Variants in TAOK1 observed in about 807,000 individuals in gnomAD.
TAOK1 encodes serine/threonine-protein kinase TAO1.
TAOK1 carries 21 observed loss-of-function variants against 138.3 expected under a neutral mutation model. The observed-to-expected ratio is 0.15, with a 90% CI of 0.11 to 0.22. The LOEUF is 0.22. Among genes scored for constraint, TAOK1 ranks in the 10% least tolerant of loss-of-function variants. The pLI is 1.00. For synonymous variants in TAOK1, 361 were observed against 398.4 expected, an observed-to-expected ratio of 0.91 and a Z score of 1.12; for missense variants, 651 against 1,227.7, an observed-to-expected ratio of 0.53 and a Z score of 7.02.
chr17:29,479,160 A>G (rs529729487), intron 6 of TAOK1, among the ~76,000 whole-genome samples: 1 of 151,846 alleles, frequency 6.6e-6, no homozygotes, highest in Non-Finnish European at 1.5e-5. Context: ...AAAAAAAAAA[A>G]CAGAAGCTGC....
chr17:29,474,918 G>A (rs960830268), intron 3 of TAOK1, among the ~76,000 whole-genome samples: 4 of 151,298 alleles, frequency 2.6e-5, no homozygotes, highest in Admixed American at 2.6e-4. Flanking sequence ...AGATATGCCT[G>A]TATATGAATG....
intron 1 of TAOK1, among the ~76,000 whole-genome samples, chr17:29,413,176 T>C (rs909113765): frequency 6.6e-6 from 1 of 152,152 alleles, no homozygotes; most frequent in African/African-American, 2.4e-5. Flanking sequence ...TTAATTAGGT[T>C]CAATGTGGTC....
chr17:29,398,226 A>C (rs1486401370), intron 1 of TAOK1, among the ~76,000 whole-genome samples: 1 of 150,540 alleles, frequency 6.6e-6, no homozygotes, highest in Non-Finnish European at 1.5e-5. Context: ...TTTTTTTTTG[A>C]GACGGAATTT....
chr17:29,398,854 C>G (rs1273127623), intron 1 of TAOK1, among the ~76,000 whole-genome samples: 4 of 151,890 alleles, frequency 2.6e-5, no homozygotes, highest in Non-Finnish European at 4.4e-5. Flanking sequence ...ATAGTATATA[C>G]TGGGTTGTTT....
rs141482316 is a variant in TAOK1, at chr17:29,530,688, C to G, written c.2361+69C>G. On this transcript the variant is annotated intron_variant, in intron 18 of 19. Transcript: ENST00000261716. ...TTCTTCCACCACCTGAACGAAATCA[C>G]AGCAATTAAAGTACTAGTTGGAAAT... 7.6e-5 allele frequency: 98 copies of G among 1,293,830 alleles called. No homozygotes were observed. The African/African-American group carries it at 1.3e-3, about 17-fold the overall frequency. The allele number at this position is 1,293,830 out of a possible 1,614,324, so 80.1% of individuals were successfully genotyped here.
chr17:29,479,726 TTA>T (rs1369563560), intron 6 of TAOK1, among the ~76,000 whole-genome samples: 1 of 152,132 alleles, frequency 6.6e-6, no homozygotes, highest in South Asian at 2.1e-4. Context: ...TAAGTATATA[TTA>T]TAATGCTAAT....
Position 29,547,939 on chromosome 17 carries a change from G to T in TAOK1, c.*4917G>T, listed in dbSNP as rs1211196021. The T allele has an allele frequency of 6.6e-6, 1 of 152,054 alleles. No individual in the cohort carries two copies. The highest frequency in any genetic ancestry group is 6.6e-5 in the Admixed American group (1 of 15,256). 9.4% of individuals were successfully genotyped at this position (152,054 alleles called of 1,614,324 possible). A position where few individuals can be genotyped will look rare whatever the true frequency, so the allele number is the denominator to read the frequency against. ...CTGTTTTGCTGTGTCTGGTTATGTT[G>T]TCTGCACTTTTATGAAATCACTACA... On this transcript the variant is annotated 3_prime_UTR_variant, in exon 20 of 20. Coordinates refer to ENST00000261716, the MANE Select transcript of TAOK1 (RefSeq NM_020791.4).
intron 8 of TAOK1, among the ~76,000 whole-genome samples, chr17:29,485,351 T>C (rs186936728): frequency 6.6e-6 from 1 of 152,324 alleles, no homozygotes; most frequent in East Asian, 1.9e-4. Flanking sequence ...ATAGTTCTAC[T>C]CTCAGCTGGA....
intron 1 of TAOK1, among the ~76,000 whole-genome samples, chr17:29,413,884 T>C (rs894215693): frequency 7.0e-6 from 1 of 142,322 alleles, no homozygotes. Context: ...CTGGCTTCTT[T>C]TTTTTTTTTT....
intron 18 of TAOK1, among the ~76,000 whole-genome samples, chr17:29,533,212 G>T (rs1197255751): frequency 6.7e-6 from 1 of 148,308 alleles, no homozygotes; most frequent in African/African-American, 2.5e-5. Flanking sequence ...GGGGTGGCGG[G>T]GCAGAGGCGC....
chr17:29,432,801 C>CA (rs2153022778), intron 1 of TAOK1, among the ~76,000 whole-genome samples: 1 of 151,296 alleles, frequency 6.6e-6, no homozygotes, highest in Admixed American at 6.6e-5. Flanking sequence ...TAGAGAGAGA[C>CA]AGAGTTGTGC....
chr17:29,500,831 T>G lies in TAOK1; in HGVS notation c.1204-1758T>G, dbSNP rs1039871985. Among the ~76,000 whole-genome samples the G allele has an allele frequency of 5.3e-5, 8 of 151,988 alleles. No individual in the cohort carries two copies. In the East Asian group the frequency reaches 1.5e-3, roughly 29 times the overall value. On this transcript the variant is annotated intron_variant, in intron 12 of 19. Coordinates refer to ENST00000261716, the MANE Select transcript of TAOK1 (RefSeq NM_020791.4). Reference sequence around the variant, plus strand: ...GTTCCAATACATGCTGCCATATGGTTGAATCTTGAAAACATGTTAAGTGAT... The same window carrying G: ...GTTCCAATACATGCTGCCATATGGTGGAATCTTGAAAACATGTTAAGTGAT...
intron 2 of TAOK1, among the ~76,000 whole-genome samples, chr17:29,456,352 C>T (rs1382903058): frequency 1.3e-5 from 2 of 148,204 alleles, no homozygotes; most frequent in Admixed American, 6.6e-5. Flanking sequence ...ACTCTGTCTC[C>T]GGGAAAAAAA....
At chr17:29,485,540 G>A (rs2031154545) in intron 8 of TAOK1, among the ~76,000 whole-genome samples, 1 of 152,226 alleles carries the variant, frequency 6.6e-6, no homozygotes, top group South Asian at 2.1e-4. Context: ...TCGGGAGGCA[G>A]AGGTGGACGA....
chr17:29,498,734 A>G (rs1393282757), intron 12 of TAOK1, among the ~76,000 whole-genome samples: 1 of 152,128 alleles, frequency 6.6e-6, no homozygotes. Flanking sequence ...CCTGGCCGAC[A>G]TGGTGAAACC....
intron 19 of TAOK1, among the ~76,000 whole-genome samples, chr17:29,539,980 G>A (rs1362697228): frequency 5.9e-5 from 9 of 152,124 alleles, no homozygotes; most frequent in East Asian, 5.8e-4. Context: ...ACTCTATAGC[G>A]GAGGGAAAGT....
chr17:29,440,574 C>CTT (rs1167686181), intron 1 of TAOK1, among the ~76,000 whole-genome samples: 3 of 145,698 alleles, frequency 2.1e-5, no homozygotes, highest in Admixed American at 6.9e-5. Flanking sequence ...ATATCAATTA[C>CTT]TTTTTTTTTT....
chr17:29,551,242 G>A lies in TAOK1; in HGVS notation c.*8220G>A, dbSNP rs2032488021. 3.9e-5 allele frequency: 6 copies of A among 152,146 alleles called. No homozygotes were observed. The allele number at this position is 152,146 out of a possible 1,614,324, so 9.4% of individuals were successfully genotyped here. On this transcript the variant is annotated 3_prime_UTR_variant, in exon 20 of 20. Transcript: ENST00000261716. ...AGCTAACTGATATGCTATCATTGAG[G>A]TTCATCAATGAATTTGTACATTTCT...
Position 29,475,709 on chromosome 17 carries a change from A to G in TAOK1, c.244A>G (p.Arg82Gly). Residue 82 changes from arginine to glycine, a missense_variant, in exon 4 of 20, where the codon AGA (arginine) becomes GGA (glycine). Physicochemically the swap from Arg to Gly is moderately radical, Grantham distance 125. This residue lies in a region of TAOK1 where 116 missense variants were observed against 213.9 expected (regional missense o/e 0.54). Coordinates refer to ENST00000261716, the MANE Select transcript of TAOK1 (RefSeq NM_020791.4). ...TATTAAGGAAGTCAAGTTTCTACAA[A>G]GAATAAAACATCCCAACAGTATAGA... ...DIIKEVKFLQ[R>G]IKHPNSIEYK... 6.2e-7 allele frequency: 1 copy of G among 1,613,216 alleles called. No individual in the cohort carries two copies. The highest frequency in any genetic ancestry group is 8.5e-7 in the Non-Finnish European group (1 of 1,179,720).
Sources: allele counts gnomAD v4.1 joint callset (sites outside exome capture counted in the v4.1 genomes callset), GRCh38; gene constraint gnomAD v4.1.1; regional missense constraint gnomAD v4.1.1; transcripts MANE v1.5; gene names NCBI Gene and HGNC (gene_info 2026-07-23, HGNC 2026-07-21).